Variants in PDE1C observed in about 807,000 individuals in gnomAD.
The protein encoded by PDE1C is phosphodiesterase 1C.
PDE1C carries 62 observed loss-of-function variants against 93.1 expected under a neutral mutation model. The observed-to-expected ratio is 0.67, with a 90% confidence interval of 0.54 to 0.82. The LOEUF is 0.82. Ranked by LOEUF, PDE1C falls within the 40% of genes least tolerant of loss-of-function variation. The pLI is 0.00. For missense variants in PDE1C, 742 were observed against 884.6 expected (o/e 0.84, Z 2.04); for synonymous variants, 325 against 310.1 (o/e 1.05, Z -0.50).
intron 11 of PDE1C, among the ~76,000 whole-genome samples, chr7:31,831,202 T>C (rs1334298720): frequency 6.6e-6 from 1 of 152,134 alleles, no homozygotes; most frequent in Non-Finnish European, 1.5e-5. Context: ...AAGGCACAAA[T>C]ATAACATATG....
intron 1 of PDE1C, among the ~76,000 whole-genome samples, chr7:32,421,202 G>A (rs1785426091): frequency 1.3e-5 from 2 of 152,152 alleles, no homozygotes; most frequent in South Asian, 2.1e-4. Flanking sequence ...TCAGAAGTAG[G>A]TGATCTAGGG....
rs565151156 is a variant in PDE1C, at chr7:32,343,136, C to T, written c.310+84686G>A. ...TTGTGGACAATGCAAGGGTGAACAG[C>T]AGGAAAGGCAGAAACAGGTCAATTT... is the stretch of plus-strand genomic sequence containing the variant. On this transcript the variant is annotated intron_variant, in intron 1 of 1. Coordinates refer to the PDE1C transcript ENST00000672256. Among the ~76,000 whole-genome samples, 4 of 152,226 alleles carry T rather than the reference C, an allele frequency of 2.6e-5. No individual in the cohort carries two copies. In the South Asian group the frequency reaches 8.3e-4, roughly 32 times the overall value.
chr7:32,198,354 T>C (rs1476303641), intron 2 of PDE1C, among the ~76,000 whole-genome samples: 2 of 152,210 alleles, frequency 1.3e-5, no homozygotes, highest in Non-Finnish European at 2.9e-5. Flanking sequence ...CTATGATAGA[T>C]ACATCAGTTA....
intron 17 of PDE1C, among the ~76,000 whole-genome samples, chr7:31,759,411 C>T (rs991807984): frequency 5.9e-5 from 9 of 152,144 alleles, no homozygotes; most frequent in African/African-American, 1.2e-4. Context: ...GTACAATCCC[C>T]GACCACTAGT....
At chr7:31,751,111 G>A (rs1794118934), downstream of PDE1C, 2 of 152,180 alleles carry the variant, frequency 1.3e-5, no homozygotes, top group African/African-American at 4.8e-5. Context: ...GGGCTGAACA[G>A]CAGCAAATTT....
At chr7:32,055,344 C>T (rs1290406827) in intron 1 of PDE1C, among the ~76,000 whole-genome samples, 1 of 152,136 alleles carries the variant, frequency 6.6e-6, no homozygotes, top group Non-Finnish European at 1.5e-5. Flanking sequence ...TCCTCTTACA[C>T]AAGTTAACTC....
intron 2 of PDE1C, among the ~76,000 whole-genome samples, chr7:32,186,831 A>T (rs1485975507): frequency 6.6e-6 from 1 of 152,188 alleles, no homozygotes; most frequent in African/African-American, 2.4e-5. Context: ...GAAAAGGACC[A>T]TATCTAGCAT....
chr7:32,192,845 T>C (rs1804329925), intron 2 of PDE1C, among the ~76,000 whole-genome samples: 1 of 152,184 alleles, frequency 6.6e-6, no homozygotes, highest in South Asian at 2.1e-4. Context: ...TTAGATGTTA[T>C]TTGATTTCTC....
chr7:32,236,628 A>G (rs1360560359), intron 1 of PDE1C, among the ~76,000 whole-genome samples: 1 of 152,236 alleles, frequency 6.6e-6, no homozygotes, highest in Non-Finnish European at 1.5e-5. Flanking sequence ...CAGGCTATAT[A>G]GGATGGCTAA....
the PDE1C span, among the ~76,000 whole-genome samples, chr7:31,628,703 G>A: frequency 6.6e-6 from 1 of 152,052 alleles, no homozygotes; most frequent in Admixed American, 6.5e-5. Context: ...TGATCCGCCC[G>A]CCTCGGCCTC....
At chr7:31,774,251 T>C (rs547009750) in intron 17 of PDE1C, among the ~76,000 whole-genome samples, 1 of 152,336 alleles carries the variant, frequency 6.6e-6, no homozygotes, top group East Asian at 1.9e-4. Flanking sequence ...GGATGAAATA[T>C]GGTAATTCCC....
intron 2 of PDE1C, among the ~76,000 whole-genome samples, chr7:32,203,504 A>G (rs878955509): frequency 2.0e-5 from 3 of 152,154 alleles, no homozygotes; most frequent in Admixed American, 6.5e-5. Flanking sequence ...ACCCAGCACA[A>G]AAATACGAAG....
chr7:32,383,781 G>A (rs1040782971), intron 1 of PDE1C, among the ~76,000 whole-genome samples: 1 of 152,160 alleles, frequency 6.6e-6, no homozygotes, highest in Non-Finnish European at 1.5e-5. Flanking sequence ...TTCTGACACT[G>A]GAAAGGGTCC....
chr7:31,709,469 C>T, the PDE1C span, among the ~76,000 whole-genome samples: 6 of 152,162 alleles, frequency 3.9e-5, no homozygotes, highest in African/African-American at 9.7e-5. Flanking sequence ...AGAGTTTGCA[C>T]GGTGTTTTTT....
chr7:32,285,048 A>G (rs2128894293), intron 1 of PDE1C, among the ~76,000 whole-genome samples: 1 of 151,894 alleles, frequency 6.6e-6, no homozygotes, highest in Middle Eastern at 3.4e-3. Context: ...AAAAAAGAAA[A>G]AAGAAAAAAA....
At chr7:31,626,401 A>G in the PDE1C span, among the ~76,000 whole-genome samples, 8 of 152,246 alleles carry the variant, frequency 5.3e-5, no homozygotes, top group African/African-American at 1.9e-4. Flanking sequence ...AGTGTCACTG[A>G]TAACTTTTAA....
intron 1 of PDE1C, among the ~76,000 whole-genome samples, chr7:32,271,725 CA>C (rs1810978400): frequency 6.6e-6 from 1 of 152,128 alleles, no homozygotes; most frequent in African/African-American, 2.4e-5. Flanking sequence ...ACAGGGCCTC[CA>C]CATTATGATA....
intron 1 of PDE1C, among the ~76,000 whole-genome samples, chr7:32,328,175 G>A (rs1206194829): frequency 6.6e-6 from 1 of 152,184 alleles, no homozygotes; most frequent in Non-Finnish European, 1.5e-5. Flanking sequence ...ACAGTATAGA[G>A]TAGTTCTATT....
intron 2 of PDE1C, among the ~76,000 whole-genome samples, chr7:31,932,821 C>T (rs560588393): frequency 6.6e-6 from 1 of 152,154 alleles, no homozygotes; most frequent in South Asian, 2.1e-4. Flanking sequence ...AACCTAAATG[C>T]CCATCAGTGA....
Sources: gnomAD v4.1 joint callset for allele counts (sites outside exome capture counted in the v4.1 genomes callset) on GRCh38, gnomAD v4.1.1 for gene constraint, MANE v1.5 for transcripts, NCBI Gene and HGNC (gene_info 2026-07-23, HGNC 2026-07-21) for gene names.